Variants in FMN2 observed in about 807,000 individuals in gnomAD.
FMN2 encodes the protein formin 2, also known as formin-2.
FMN2 carries 51 observed loss-of-function variants against 142.3 expected under a neutral mutation model. The observed-to-expected ratio is 0.36, with a 90% confidence interval of 0.29 to 0.45. The LOEUF (loss-of-function observed/expected upper bound fraction) is 0.45. FMN2 is among the 20% of genes least tolerant of loss of function. The pLI is 1.00. For missense variants in FMN2, 1,936 were observed against 2,122.8 expected (o/e 0.91, Z 1.73); for synonymous variants, 882 against 869.8 (o/e 1.01, Z -0.25).
rs1351393920 is a variant in FMN2 at position 240,092,934 on chromosome 1, G to C, written c.825G>C (p.Ala275=). The C allele has an allele frequency of 1.4e-6, 2 of 1,464,754 alleles. No individual in the cohort carries two copies. The highest frequency in any genetic ancestry group is 2.7e-5 in the South Asian group (2 of 72,912). 90.7% of individuals were successfully genotyped at this position (1,464,754 alleles called of 1,614,324 possible). A position where few individuals can be genotyped will look rare whatever the true frequency, so the allele number is the denominator to read the frequency against. ...GSPDTEQALS[A]LSDLPESLAA... ...CGGACACCGAGCAGGCGCTGTCCGC[G>C]CTCTCCGACCTGCCCGAGAGCCTGG... The change falls in exon 1 of 18, where the codon GCG becomes GCC. Residue 275 remains alanine, a synonymous_variant. Coordinates refer to ENST00000319653, the MANE Select transcript of FMN2 (RefSeq NM_020066.5).
At chr1:240,201,205 A>G (rs1056266919) in intron 4 of FMN2, among the ~76,000 whole-genome samples, 1 of 152,230 alleles carries the variant, frequency 6.6e-6, no homozygotes, top group South Asian at 2.1e-4. Flanking sequence ...ATCCAACCCC[A>G]AATCCCTCTC....
At chr1:240,254,594 C>T (rs1218919604) in intron 6 of FMN2, among the ~76,000 whole-genome samples, 1 of 152,078 alleles carries the variant, frequency 6.6e-6, no homozygotes, top group Non-Finnish European at 1.5e-5. Context: ...GTGGCAGCGA[C>T]TGTGTGGTGG....
At chr1:240,159,359 G>A (rs1381202390) in intron 2 of FMN2, among the ~76,000 whole-genome samples, 1 of 151,990 alleles carries the variant, frequency 6.6e-6, no homozygotes, top group African/African-American at 2.4e-5. Flanking sequence ...CATTTTTGTA[G>A]GCTTGACACT....
chr1:240,345,394 G>T (rs1345003386), intron 13 of FMN2, among the ~76,000 whole-genome samples: 1 of 152,164 alleles, frequency 6.6e-6, no homozygotes, highest in East Asian at 1.9e-4. Context: ...GATGTAGATT[G>T]GTGAGAACGC....
chr1:240,146,117 A>T (rs989784728), intron 2 of FMN2, among the ~76,000 whole-genome samples: 2 of 151,694 alleles, frequency 1.3e-5, no homozygotes, highest in African/African-American at 4.8e-5. Context: ...GGATCAGTGG[A>T]TCACACCTGT....
At chr1:240,209,047 T>C (rs1048495385) in intron 5 of FMN2, among the ~76,000 whole-genome samples, 2 of 152,180 alleles carry the variant, frequency 1.3e-5, no homozygotes, top group African/African-American at 2.4e-5. Flanking sequence ...CTCTGTTATC[T>C]AGTTGTAAGA....
intron 6 of FMN2, among the ~76,000 whole-genome samples, chr1:240,241,992 C>G (rs1218545176): frequency 6.6e-6 from 1 of 151,912 alleles, no homozygotes; most frequent in Non-Finnish European, 1.5e-5. Flanking sequence ...ACTACAGGTG[C>G]CCGCCACCAC....
Position 240,392,167 on chromosome 1 carries a change from A to C in FMN2, c.4859-344A>C, listed in dbSNP as rs567969385. On this transcript the variant is annotated intron_variant, in intron 14 of 17. Coordinates refer to ENST00000319653, the MANE Select transcript of FMN2 (RefSeq NM_020066.5). ...TTGCTTGAGGGAATTATTTCCACTA[A>C]TTGTTGGCATTTAAACACTGACACA... 8.3e-4 allele frequency among the ~76,000 whole-genome samples: 126 copies of C among 151,822 alleles called. 2 individuals are homozygous for C. The highest frequency in any genetic ancestry group is 2.9e-3 in the African/African-American group (119 of 41,364).
chr1:240,166,147 TAAATATA>T, intron 2 of FMN2, among the ~76,000 whole-genome samples: 1 of 148,954 alleles, frequency 6.7e-6, no homozygotes, highest in South Asian at 2.1e-4. Flanking sequence ...TATATGTATA[TAAATATA>T]AAATATATAT....
chr1:240,128,504 C>A (rs1331494595), intron 2 of FMN2, among the ~76,000 whole-genome samples: 1 of 152,102 alleles, frequency 6.6e-6, no homozygotes, highest in Non-Finnish European at 1.5e-5. Flanking sequence ...GTCTGCCTAG[C>A]AGGATATTTT....
intron 13 of FMN2, among the ~76,000 whole-genome samples, chr1:240,337,650 G>A (rs1671609683): frequency 6.6e-6 from 1 of 152,174 alleles, no homozygotes; most frequent in African/African-American, 2.4e-5. Flanking sequence ...CATAGAATAA[G>A]CAGTGGGATT....
At chr1:240,117,721 C>T (rs1407465629) in intron 1 of FMN2, among the ~76,000 whole-genome samples, 4 of 152,226 alleles carry the variant, frequency 2.6e-5, no homozygotes, top group Non-Finnish European at 5.9e-5. Flanking sequence ...TGCATTCAGG[C>T]ATTTGTACAT....
intron 14 of FMN2, among the ~76,000 whole-genome samples, chr1:240,359,752 C>T (rs1424220438): frequency 2.6e-5 from 4 of 152,222 alleles, no homozygotes; most frequent in South Asian, 2.1e-4. Context: ...TATGTACCCT[C>T]CTTGAGAGAA....
At chr1:240,170,761 T>A in intron 2 of FMN2, 1 of 1,341,672 alleles carries the variant, frequency 7.5e-7, no homozygotes, top group Non-Finnish European at 1.1e-6. Flanking sequence ...TTGGGCCGTC[T>A]TTGGCCTGGG....
At chr1:240,381,743 G>A (rs1673233420) in intron 14 of FMN2, among the ~76,000 whole-genome samples, 1 of 152,050 alleles carries the variant, frequency 6.6e-6, no homozygotes, top group Non-Finnish European at 1.5e-5. Context: ...CATCTTAACA[G>A]CTGCAGAAAA....
intron 14 of FMN2, among the ~76,000 whole-genome samples, chr1:240,384,650 G>C (rs746812984): frequency 6.6e-6 from 1 of 151,946 alleles, no homozygotes; most frequent in Non-Finnish European, 1.5e-5. Flanking sequence ...CTTCTCTCTC[G>C]ATAGGCAAAT....
chr1:240,196,819 T>C (rs12562593), intron 4 of FMN2, among the ~76,000 whole-genome samples: 16,664 of 152,190 alleles, frequency 0.11, 1,121 homozygotes, highest in Non-Finnish European at 0.14. Context: ...CTGGTGCACA[T>C]TGAGCTTAAG....
Position 240,207,062 on chromosome 1 carries a change from A to T in FMN2, c.2250A>T (p.Glu750Asp). 1 of 1,614,156 alleles carries T rather than the reference A, an allele frequency of 6.2e-7. No individual in the cohort carries two copies. Residue 750 changes from glutamate to aspartate, a missense_variant, in exon 5 of 18, where the codon GAA becomes GAT. By Grantham distance (45) the Glu-to-Asp change is conservative (BLOSUM62 2). This residue lies in a region of FMN2 where 478 missense variants were observed against 462.8 expected (regional missense o/e 1.03). Transcript: ENST00000319653. ...EAKSIQTSPTEEGGVLTLPPV... is the reference protein window; with the variant it reads ...EAKSIQTSPTDEGGVLTLPPV... ...AATCGATACAGACTTCCCCCACGGA[A>T]GAGGGCGGGGTGCTGACACTGCCTC...
intron 3 of FMN2, among the ~76,000 whole-genome samples, chr1:240,187,725 G>A (rs1170691500): frequency 6.6e-6 from 1 of 152,140 alleles, no homozygotes; most frequent in East Asian, 1.9e-4. Flanking sequence ...AACTGCTTCA[G>A]AATCCCTTCT....
Sources: gnomAD v4.1 joint callset for allele counts (sites outside exome capture counted in the v4.1 genomes callset) on GRCh38, gnomAD v4.1.1 for gene constraint, gnomAD v4.1.1 regional missense constraint, MANE v1.5 for transcripts, NCBI Gene and HGNC (gene_info 2026-07-23, HGNC 2026-07-21) for gene names.